Variants in AFF4 observed in about 807,000 individuals in gnomAD.
The protein encoded by AFF4 is ALF transcription elongation factor 4.
A neutral mutation model predicts 124.8 loss-of-function variants in AFF4; 13 were observed. The ratio of observed to expected loss-of-function variants is 0.10; its 90% CI spans 0.07 to 0.17. The LOEUF (loss-of-function observed/expected upper bound fraction) is 0.17, where lower values mean the gene tolerates loss of function less well. Among genes scored for constraint, AFF4 ranks in the 10% least tolerant of loss-of-function variants. The pLI, the probability that AFF4 is intolerant of heterozygous loss-of-function variation, is 1.00. For missense variants in AFF4, 1,092 were observed against 1,403.8 expected (o/e 0.78, Z 3.55); for synonymous variants, 477 against 496.1 (o/e 0.96, Z 0.51).
intron 5 of AFF4, among the ~76,000 whole-genome samples, chr5:132,909,289 C>G (rs907125195): frequency 6.6e-6 from 1 of 151,868 alleles, no homozygotes; most frequent in South Asian, 2.1e-4. Flanking sequence ...GGATTATAGG[C>G]GCATGCCACC....
chr5:132,908,133 C>A (rs1475863124), intron 5 of AFF4, among the ~76,000 whole-genome samples: 1 of 150,308 alleles, frequency 6.7e-6, no homozygotes, highest in African/African-American at 2.4e-5. Flanking sequence ...TTTTTTTAAT[C>A]ATATACTCCA....
At chr5:132,924,669 C>T (rs1004495630) in intron 5 of AFF4, among the ~76,000 whole-genome samples, 2 of 152,044 alleles carry the variant, frequency 1.3e-5, no homozygotes, top group African/African-American at 2.4e-5. Context: ...GCCTGGTCAA[C>T]ATGGTGAAAC....
chr5:132,896,167 A>G (rs532961062), intron 11 of AFF4, among the ~76,000 whole-genome samples, 156 bp downstream of exon 11: 1 of 152,356 alleles, frequency 6.6e-6, no homozygotes, highest in East Asian at 1.9e-4. Flanking sequence ...AATCCTCAAG[A>G]GACTGTTCCA....
intron 1 of AFF4, among the ~76,000 whole-genome samples, chr5:132,954,608 C>T (rs1027536279): frequency 2.9e-5 from 4 of 135,930 alleles, no homozygotes; most frequent in South Asian, 2.4e-4. Context: ...AGTGCAGTGG[C>T]GGGATCTCGG....
intron 9 of AFF4, 92 bp from the exon 10 acceptor site, chr5:132,898,484 T>C: frequency 7.4e-7 from 1 of 1,359,040 alleles, no homozygotes; most frequent in Non-Finnish European, 9.9e-7. Context: ...CTTTTTTTCT[T>C]CTTGTCTTTT....
At chr5:132,931,800 C>T (rs113233117) in intron 4 of AFF4, among the ~76,000 whole-genome samples, 4,045 of 152,126 alleles carry the variant, frequency 0.027, 148 homozygotes, top group African/African-American at 0.09. Context: ...AAAAATCAGC[C>T]GGGCATGATG....
At chr5:132,960,293 G>T (rs10223158) in intron 1 of AFF4, among the ~76,000 whole-genome samples, 22,446 of 152,100 alleles carry the variant, frequency 0.15, 1,886 homozygotes, top group Middle Eastern at 0.2. Flanking sequence ...AGTCTTCATA[G>T]TGAGATATCT....
At chr5:132,887,405 A>C in intron 17 of AFF4, 116 bp downstream of exon 17, 1 of 975,192 alleles carries the variant, frequency 1.0e-6, no homozygotes, top group East Asian at 2.5e-5. Flanking sequence ...TCAGGAACAG[A>C]TTTAAGACAG....
At chr5:132,938,740 G>A (rs1430031630) in intron 1 of AFF4, among the ~76,000 whole-genome samples, 6 of 151,410 alleles carry the variant, frequency 4.0e-5, no homozygotes, top group East Asian at 2.0e-4. Flanking sequence ...TCAGGAGATC[G>A]AGACCATCCT....
At chr5:132,955,059 A>T (rs1416409466) in intron 1 of AFF4, among the ~76,000 whole-genome samples, 1 of 152,158 alleles carries the variant, frequency 6.6e-6, no homozygotes, top group Non-Finnish European at 1.5e-5. Context: ...GGGGAGCTGG[A>T]AAAGGGATGG....
At chr5:132,893,268 G>A in intron 11 of AFF4, 150 bp from the exon 12 acceptor site, 1 of 696,872 alleles carries the variant, frequency 1.4e-6, no homozygotes, top group African/African-American at 1.8e-5. Flanking sequence ...TATTCAAGAA[G>A]ATGAGGTTTT....
intron 7 of AFF4, 29 bp downstream of exon 7, chr5:132,902,413 A>G (rs1490815317): frequency 5.2e-6 from 8 of 1,548,524 alleles, no homozygotes; most frequent in Non-Finnish European, 7.1e-6. Context: ...AAAATGATAA[A>G]TATTAAACTC....
At chr5:132,912,392 T>A (rs1760812009) in intron 5 of AFF4, among the ~76,000 whole-genome samples, 1 of 152,130 alleles carries the variant, frequency 6.6e-6, no homozygotes, top group African/African-American at 2.4e-5. Context: ...AGACAGGGTC[T>A]CACTACCACC....
intron 1 of AFF4, among the ~76,000 whole-genome samples, chr5:132,959,539 A>G (rs1320908476): frequency 6.6e-6 from 1 of 152,124 alleles, no homozygotes; most frequent in African/African-American, 2.4e-5. Context: ...CTGGAATTGA[A>G]TTTGGAGGTT....
intron 13 of AFF4, chr5:132,891,884 T>A: frequency 2.0e-6 from 1 of 500,664 alleles, no homozygotes. Flanking sequence ...ATTCCTCAAA[T>A]GATCCTTCCA....
chr5:132,909,089 G>C (rs995954080), intron 5 of AFF4, among the ~76,000 whole-genome samples: 1 of 151,284 alleles, frequency 6.6e-6, no homozygotes, highest in Non-Finnish European at 1.5e-5. Flanking sequence ...ATCTTTTAGG[G>C]AAGCGGTTAC....
intron 1 of AFF4, chr5:132,943,187 G>T: frequency 1.1e-5 from 2 of 178,546 alleles, no homozygotes; most frequent in South Asian, 1.2e-4. Flanking sequence ...CTTACACACT[G>T]GGTGTGAAAC....
intron 1 of AFF4, among the ~76,000 whole-genome samples, chr5:132,949,405 A>C (rs951474128): frequency 6.6e-6 from 1 of 152,268 alleles, no homozygotes; most frequent in African/African-American, 2.4e-5. Context: ...GGCCAGGCCC[A>C]GTGGCTCATA....
At chr5:132,916,506 T>C (rs1760915222) in intron 5 of AFF4, among the ~76,000 whole-genome samples, 1 of 152,152 alleles carries the variant, frequency 6.6e-6, no homozygotes, top group Non-Finnish European at 1.5e-5. Flanking sequence ...AGAATACTGC[T>C]TGTACATCTT....
Sources: allele counts gnomAD v4.1 joint callset (sites outside exome capture counted in the v4.1 genomes callset), GRCh38; gene constraint gnomAD v4.1.1; transcripts MANE v1.5; gene names NCBI Gene and HGNC (gene_info 2026-07-23, HGNC 2026-07-21).